The following SORCS3 variants were observed in gnomAD, a reference collection of about 807,000 sequenced individuals.
The protein encoded by SORCS3 is sortilin related VPS10 domain containing receptor 3.
A neutral mutation model predicts 146.3 loss-of-function variants in SORCS3; 57 were observed. The ratio of observed to expected loss-of-function variants is 0.39; its 90% CI spans 0.31 to 0.49. SORCS3 has a LOEUF of 0.49. SORCS3 is among the 20% of genes least tolerant of loss of function. SORCS3 has a pLI of 0.92. For missense variants in SORCS3, 1,341 were observed against 1,575.5 expected, an observed-to-expected ratio of 0.85 and a Z score of 2.52; for synonymous variants, 653 against 618.5, an observed-to-expected ratio of 1.06 and a Z score of -0.83.
intron 4 of SORCS3, among the ~76,000 whole-genome samples, chr10:104,994,105 T>C (rs1457722540): frequency 6.6e-6 from 1 of 152,208 alleles, no homozygotes; most frequent in Non-Finnish European, 1.5e-5. Flanking sequence ...AAGTACATGA[T>C]ACTCAACAAA....
chr10:104,733,095 A>C (rs1186794811), intron 1 of SORCS3, among the ~76,000 whole-genome samples: 3 of 152,200 alleles, frequency 2.0e-5, no homozygotes, highest in Non-Finnish European at 4.4e-5. Flanking sequence ...GCATAAGCAA[A>C]AAAATAATAA....
intron 8 of SORCS3, among the ~76,000 whole-genome samples, chr10:105,146,045 A>G (rs2056128967): frequency 6.6e-6 from 1 of 152,124 alleles, no homozygotes; most frequent in African/African-American, 2.4e-5. Flanking sequence ...ATTAAGTTAC[A>G]GTCAACTCCA....
At chr10:104,745,651 G>A (rs1273217988) in intron 1 of SORCS3, among the ~76,000 whole-genome samples, 1 of 152,100 alleles carries the variant, frequency 6.6e-6, no homozygotes, top group Non-Finnish European at 1.5e-5. Flanking sequence ...GTTGACCACA[G>A]GCACTATGCT....
chr10:104,837,282 T>C (rs1232265486), intron 1 of SORCS3, among the ~76,000 whole-genome samples: 1 of 152,186 alleles, frequency 6.6e-6, no homozygotes, highest in Non-Finnish European at 1.5e-5. Context: ...CTATAAGAGA[T>C]GTATGAACAG....
intron 1 of SORCS3, among the ~76,000 whole-genome samples, chr10:104,708,529 G>C (rs1198539369): frequency 2.0e-5 from 3 of 152,160 alleles, no homozygotes; most frequent in African/African-American, 2.4e-5. Context: ...ATGTATCTTC[G>C]CTTAGCTGAT....
At chr10:104,890,323 G>A (rs2018736886) in intron 2 of SORCS3, among the ~76,000 whole-genome samples, 1 of 151,832 alleles carries the variant, frequency 6.6e-6, no homozygotes, top group Admixed American at 6.6e-5. Context: ...GCAGCACACT[G>A]ATTTTCTGTT....
intron 9 of SORCS3, among the ~76,000 whole-genome samples, chr10:105,154,548 C>G (rs703489): frequency 0.48 from 73,118 of 152,088 alleles, 18,117 homozygotes; most frequent in Non-Finnish European, 0.53. Flanking sequence ...TACCCTTCTC[C>G]CTGGACTGCT....
chr10:104,653,542 T>G (rs2015588065), intron 1 of SORCS3, among the ~76,000 whole-genome samples: 1 of 152,206 alleles, frequency 6.6e-6, no homozygotes, highest in Non-Finnish European at 1.5e-5. Context: ...GGTTTATACC[T>G]CTTGTCCTGA....
At chr10:105,060,104 G>A (rs1303445116) in intron 5 of SORCS3, among the ~76,000 whole-genome samples, 1 of 152,146 alleles carries the variant, frequency 6.6e-6, no homozygotes, top group African/African-American at 2.4e-5. Context: ...AGGTGTCAGA[G>A]GAGTGGCATC....
intron 4 of SORCS3, among the ~76,000 whole-genome samples, chr10:105,028,743 G>A (rs1001729058): frequency 1.5e-4 from 23 of 152,166 alleles, no homozygotes; most frequent in Admixed American, 1.2e-3. Context: ...CCTAGCACCT[G>A]ACACATAATA....
At chr10:104,975,896 A>C (rs1245033389) in intron 3 of SORCS3, among the ~76,000 whole-genome samples, 2 of 152,224 alleles carry the variant, frequency 1.3e-5, no homozygotes, top group Non-Finnish European at 2.9e-5. Flanking sequence ...CTTACACCTT[A>C]TACAAAAATT....
chr10:105,183,466 G>A (rs935568159), intron 14 of SORCS3, among the ~76,000 whole-genome samples: 10 of 152,102 alleles, frequency 6.6e-5, no homozygotes, highest in African/African-American at 2.2e-4. Flanking sequence ...ACAACGCAGA[G>A]GCTCAGCACT....
intron 4 of SORCS3, among the ~76,000 whole-genome samples, chr10:105,040,653 G>T (rs1388395120): frequency 6.6e-6 from 1 of 152,084 alleles, no homozygotes; most frequent in East Asian, 1.9e-4. Flanking sequence ...CAATTGAATG[G>T]GTTTTGTGTA....
chr10:104,805,709 A>G (rs1357212619), intron 1 of SORCS3, among the ~76,000 whole-genome samples: 1 of 152,156 alleles, frequency 6.6e-6, no homozygotes, highest in Non-Finnish European at 1.5e-5. Context: ...AGTAAAAGCC[A>G]CAGCACCCAT....
intron 4 of SORCS3, among the ~76,000 whole-genome samples, chr10:105,013,966 GAC>G (rs1309725647): frequency 9.0e-5 from 10 of 110,612 alleles, no homozygotes; most frequent in Admixed American, 8.1e-5. Flanking sequence ...AGTTTGTGTA[GAC>G]ACACAGACAC....
At chr10:104,894,556 T>A (rs2018780316) in intron 2 of SORCS3, among the ~76,000 whole-genome samples, 1 of 151,570 alleles carries the variant, frequency 6.6e-6, no homozygotes, top group African/African-American at 2.4e-5. Context: ...GCTAGGGGAG[T>A]CTTAGAGAAT....
intron 12 of SORCS3, among the ~76,000 whole-genome samples, chr10:105,164,714 T>A (rs1003280850): frequency 6.6e-6 from 1 of 151,912 alleles, no homozygotes; most frequent in African/African-American, 2.4e-5. Flanking sequence ...GTGCCAAGAG[T>A]TCTTGGCAAG....
chr10:104,940,204 T>TTATATATATATATATATATA (rs71022748), intron 3 of SORCS3, among the ~76,000 whole-genome samples: 55 of 52,922 alleles, frequency 1.0e-3, no homozygotes, highest in East Asian at 2.9e-3. Context: ...TCCTTTTCTT[T>TTATATATATATATATATATA]TATATATATA....
chr10:105,190,230 C>T (rs2056507582), intron 14 of SORCS3, among the ~76,000 whole-genome samples: 1 of 152,166 alleles, frequency 6.6e-6, no homozygotes, highest in Non-Finnish European at 1.5e-5. Context: ...CTAAATTTGA[C>T]CCCTGGCTTC....
Sources: allele counts gnomAD v4.1 joint callset (sites outside exome capture counted in the v4.1 genomes callset), GRCh38; gene constraint gnomAD v4.1.1; transcripts MANE v1.5; gene names NCBI Gene and HGNC (gene_info 2026-07-23, HGNC 2026-07-21).